PRDM2: variants seen among roughly 807,000 people sequenced by gnomAD.
PRDM2 encodes the protein PR domain zinc finger protein 2.
Under a neutral mutation model 130.0 loss-of-function variants are expected in PRDM2, and 30 were observed. The ratio of observed to expected loss-of-function variants is 0.23; its 90% confidence interval spans 0.17 to 0.31. The LOEUF (loss-of-function observed/expected upper bound fraction) is 0.31. Among genes scored for constraint, PRDM2 ranks in the 10% least tolerant of loss-of-function variants. The pLI is 1.00. For missense variants in PRDM2, 2,011 were observed against 2,108.4 expected (o/e 0.95, Z 0.90); for synonymous variants, 871 against 782.4 (o/e 1.11, Z -1.89).
At chr1:13,787,142 C>T in intron 8 of PRDM2, 3 of 985,162 alleles carry the variant, frequency 3.0e-6, no homozygotes, top group Non-Finnish European at 3.6e-6. Flanking sequence ...CTTTTTTATG[C>T]CTATTCTGGT....
chr1:13,751,732 C>T lies in PRDM2; in HGVS notation c.511+2245C>T, dbSNP rs557301322. Reference sequence around the variant, plus strand: ...TTGACAGTGGGCTTGACTTCATTTTCGTTATGAGACAGAGAGAAAAACAAA... The same window carrying T: ...TTGACAGTGGGCTTGACTTCATTTTTGTTATGAGACAGAGAGAAAAACAAA... On this transcript the variant is annotated intron_variant, in intron 6 of 9. Coordinates refer to ENST00000311066, the MANE Select transcript of PRDM2 (RefSeq NM_001393986.1). 8.5e-5 allele frequency among the ~76,000 whole-genome samples: 13 copies of T among 152,168 alleles called. 1 individual carries two copies. In the South Asian group the frequency reaches 2.7e-3, roughly 32 times the overall value.
At position 13,773,179 on chromosome 1, in the gene PRDM2, T is replaced by A. The variant is rs915693870; in HGVS notation, c.613T>A (p.Ser205Thr). The A allele has an allele frequency of 1.3e-6, 2 of 1,550,042 alleles. No homozygotes were observed. Among genetic ancestry groups the A allele is most frequent in the African/African-American group, 2.8e-5 (2 of 72,250 alleles). Residue 205 changes from serine (S) to threonine (T), a missense_variant, in exon 7 of 10, where the codon TCT becomes ACT. Ser to Thr is a moderately conservative substitution (Grantham distance 58). Around this residue, in one of 5 missense-constraint regions of PRDM2, gnomAD observed 1,288 missense variants for 1,237.7 expected, o/e 1.04. Transcript: ENST00000311066. The part of the protein sequence containing the change: ...PDFTSANMRD[S>T]AEGPKEDEEK... ...TTTCACCTCTGCAAATATGAGAGAT[T>A]CTGCAGAAGGTAAGCTTGTGATATT... is the stretch of plus-strand genomic sequence containing the variant.
chr1:13,759,792 G>C (rs1644052828), intron 6 of PRDM2, among the ~76,000 whole-genome samples: 1 of 152,078 alleles, frequency 6.6e-6, no homozygotes, highest in Non-Finnish European at 1.5e-5. Context: ...ATTTTTGTAG[G>C]ATTAGCACTA....
At chr1:13,813,501 G>T (rs1645208717) in intron 8 of PRDM2, among the ~76,000 whole-genome samples, 1 of 152,208 alleles carries the variant, frequency 6.6e-6, no homozygotes, top group Non-Finnish European at 1.5e-5. Context: ...CTAAGGAGCT[G>T]AAAGCCCAGG....
intron 2 of PRDM2, among the ~76,000 whole-genome samples, chr1:13,718,693 C>T (rs951223897): frequency 2.1e-4 from 32 of 152,088 alleles, no homozygotes; most frequent in African/African-American, 7.5e-4. Context: ...TCGATCCTTC[C>T]GCTTGAGCCC....
In PRDM2 at chr1:13,803,762, C is replaced by G. The variant is rs1049761424; in HGVS notation, c.5037-12665C>G. 6.6e-6 allele frequency among the ~76,000 whole-genome samples: 1 copy of G among 152,196 alleles called. No individual in the cohort carries two copies. The highest frequency in any genetic ancestry group is 6.5e-5 in the Admixed American group (1 of 15,280). On this transcript the variant is annotated intron_variant, in intron 8 of 9. Transcript: ENST00000311066. This position sits in a 1 kb window ranked among gnomAD's most constrained non-coding sequence, Gnocchi z 6.2. The stretch of plus-strand genomic sequence containing the variant: ...TGCAGGCCAGGCCGGGCCAGCCTCC[C>G]TATCAACTGGGTCATGTGTTACGAG...
rs993461981 is a variant in PRDM2, at chr1:13,713,064, C to T, written c.-65-2477C>T. On this transcript the variant is annotated intron_variant, in intron 1 of 9. Transcript: ENST00000311066. Reference sequence around the variant, plus strand: ...CCCCATACTTTCCTGGTTTGAAGCTCGTCCCTTTCCTGGCTTTTATGTAGA... The same window carrying T: ...CCCCATACTTTCCTGGTTTGAAGCTTGTCCCTTTCCTGGCTTTTATGTAGA... Among the ~76,000 whole-genome samples, 3 of 152,298 alleles carry T rather than the reference C, an allele frequency of 2.0e-5. No homozygotes were observed. In the South Asian group the frequency reaches 6.2e-4, roughly 32 times the overall value.
chr1:13,819,187 G>C (rs1017796990), intron 9 of PRDM2, among the ~76,000 whole-genome samples: 2 of 152,202 alleles, frequency 1.3e-5, no homozygotes, highest in Non-Finnish European at 2.9e-5. Context: ...AGGTGCAGCT[G>C]GGCTGGCTTC....
intron 8 of PRDM2, among the ~76,000 whole-genome samples, chr1:13,790,331 T>G (rs1274954828): frequency 6.6e-6 from 1 of 152,210 alleles, no homozygotes; most frequent in Non-Finnish European, 1.5e-5. Flanking sequence ...ACTATTGTTT[T>G]CCCGTTCTTT....
In PRDM2 at chr1:13,778,913, A is replaced by G; in HGVS notation, c.1118A>G (p.Gln373Arg). The change falls in exon 8 of 10, where the codon CAG becomes CGG. Residue 373 changes from glutamine (Q) to arginine (R), a missense_variant. This residue lies in a region of PRDM2 where 1,288 missense variants were observed against 1,237.7 expected (regional missense o/e 1.04). Transcript: ENST00000311066. Reference sequence around the variant, plus strand: ...TGTGAAAGGAAGTTTACAACCAAACAGGGGCTTGAGCGTCACATGCATATC... The same window carrying G: ...TGTGAAAGGAAGTTTACAACCAAACGGGGGCTTGAGCGTCACATGCATATC... The part of the protein sequence containing the change: ...QHCERKFTTK[Q>R]GLERHMHIHI... The G allele has an allele frequency of 1.9e-6, 3 of 1,614,252 alleles. No individual in the cohort carries two copies. Among genetic ancestry groups the G allele is most frequent in the Non-Finnish European group, 2.5e-6 (3 of 1,180,044 alleles).
rs138413396 is a variant in PRDM2, at chr1:13,780,051, C to G, written c.2256C>G (p.Asp752Glu). Residue 752 changes from aspartate to glutamate, a missense_variant, in exon 8 of 10, where the codon GAC (aspartate) becomes GAG (glutamate). Around this residue, in one of 5 missense-constraint regions of PRDM2, gnomAD observed 1,288 missense variants for 1,237.7 expected, o/e 1.04. Coordinates refer to ENST00000311066, the MANE Select transcript of PRDM2 (RefSeq NM_001393986.1). ...SSPQHSPALR[D>E]FGKPSDGKAA... is the part of the protein sequence containing the mutation. ...CACAGCACAGTCCTGCCCTTCGAGA[C>G]TTTGGAAAGCCAAGTGATGGGAAAG... 1.4e-5 allele frequency: 22 copies of G among 1,614,092 alleles called. No homozygotes were observed. The highest frequency in any genetic ancestry group is 2.2e-5 in the East Asian group (1 of 44,898).
chr1:13,798,792 G>A (rs1644962167), intron 8 of PRDM2, among the ~76,000 whole-genome samples: 1 of 152,148 alleles, frequency 6.6e-6, no homozygotes, highest in Admixed American at 6.5e-5. Flanking sequence ...TCCTTCCCTA[G>A]TAGAGCCTCC....
intron 1 of PRDM2, among the ~76,000 whole-genome samples, chr1:13,708,751 A>G (rs116622727): frequency 0.018 from 2,746 of 152,160 alleles, 63 homozygotes; most frequent in South Asian, 0.12. Context: ...TGTGTTAAAC[A>G]TTGTCTTTTG....
In PRDM2 at chr1:13,715,570, T is replaced by C; in HGVS notation, c.-36T>C. ...CATGTAATCAAAGAAGTTTCTTTGT[T>C]GTGTGTATCTTTACAGAACACAACA... is the stretch of plus-strand genomic sequence containing the variant. On this transcript the variant is annotated 5_prime_UTR_variant, in exon 2 of 10. Transcript: ENST00000311066. 6.5e-7 allele frequency: 1 copy of C among 1,544,392 alleles called. No individual in the cohort carries two copies.
At chr1:13,807,866 C>T (rs563182892) in intron 8 of PRDM2, among the ~76,000 whole-genome samples, 32 of 152,274 alleles carry the variant, frequency 2.1e-4, no homozygotes, top group Admixed American at 1.0e-3. Flanking sequence ...TCTGAGGCAC[C>T]ATTTCTGAGC....
intron 5 of PRDM2, among the ~76,000 whole-genome samples, chr1:13,745,887 A>G (rs550539121): frequency 9.4e-4 from 141 of 149,872 alleles, no homozygotes; most frequent in African/African-American, 3.2e-3. Flanking sequence ...GATCTGACCT[A>G]TGATTTTTTA....
rs1187343162 is a variant in PRDM2 at position 13,782,464 on chromosome 1, G to A, written c.4669G>A (p.Val1557Ile). 3 of 1,614,024 alleles carry A rather than the reference G, an allele frequency of 1.9e-6. No homozygotes were observed. Among genetic ancestry groups the A allele is most frequent in the East Asian group, 2.2e-5 (1 of 44,868 alleles). Residue 1557 changes from valine (V) to isoleucine (I), a missense_variant, in exon 8 of 10, where the codon GTC (valine) becomes ATC (isoleucine). By Grantham distance (29) the Val-to-Ile change is conservative. Coordinates refer to ENST00000311066, the MANE Select transcript of PRDM2 (RefSeq NM_001393986.1). ...PSSSFRSKQN[V>I]KFAASVKSKK... ...CTCATCCTTCAGGTCCAAGCAGAAC[G>A]TCAAGTTTGCAGCTTCGGTGAAATC... is the stretch of plus-strand genomic sequence containing the variant.
chr1:13,772,518 A>G (rs1569965159), intron 6 of PRDM2, among the ~76,000 whole-genome samples: 1 of 152,222 alleles, frequency 6.6e-6, no homozygotes, highest in Non-Finnish European at 1.5e-5. Context: ...GCTGGTGGAC[A>G]GTGAATTATT....
Position 13,776,946 on chromosome 1 carries a change from AG to A in PRDM2, c.623-1470del, listed in dbSNP as rs531745413. 1.9e-3 allele frequency among the ~76,000 whole-genome samples: 282 copies of A among 152,268 alleles called. 1 individual carries two copies. Among genetic ancestry groups the A allele is most frequent in the Non-Finnish European group, 3.2e-3 (220 of 68,008 alleles). ...CCTTCTCTAGGACTTTGAAATTTCT[AG>A]GCCAGCCTCTTTGTTGAATTCCAGA... On this transcript the variant is annotated intron_variant, in intron 7 of 9. Transcript: ENST00000311066.
Sources: gnomAD v4.1 joint callset for allele counts (sites outside exome capture counted in the v4.1 genomes callset) on GRCh38, gnomAD v4.1.1 for gene constraint, gnomAD v4.1.1 regional missense constraint, Gnocchi (gnomAD v3.1) non-coding constraint, MANE v1.5 for transcripts, NCBI Gene and HGNC (gene_info 2026-07-23, HGNC 2026-07-21) for gene names.